Variants in SESN1 observed in about 807,000 individuals in gnomAD.
The protein encoded by SESN1 is sestrin-1.
In SESN1, 30 loss-of-function variants were observed where a neutral mutation model predicts 59.3. That is an observed-to-expected ratio of 0.51 (90% CI 0.38 to 0.69). The LOEUF (loss-of-function observed/expected upper bound fraction) is 0.69. Among genes scored for constraint, SESN1 ranks in the 30% least tolerant of loss-of-function variants. The pLI is 0.00. For missense variants in SESN1, 566 were observed against 673.0 expected, an observed-to-expected ratio of 0.84 and a Z score of 1.76; for synonymous variants, 197 against 219.9, an observed-to-expected ratio of 0.90 and a Z score of 0.92.
chr6:109,044,311 C>CCAAAAAAAAAAAAAAAAAAAAAAAAA (rs1780388697), intron 1 of SESN1, among the ~76,000 whole-genome samples: 1 of 28,472 alleles, frequency 3.5e-5, no homozygotes, highest in African/African-American at 2.0e-4. Flanking sequence ...GAACTTGCCT[C>CCAAAAAAAAAAAAAAAAAAAAAAAAA]AAAAAAAAAA....
At chr6:109,064,302 T>C (rs1199604158) in intron 1 of SESN1, among the ~76,000 whole-genome samples, 1 of 151,884 alleles carries the variant, frequency 6.6e-6, no homozygotes, top group Non-Finnish European at 1.5e-5. Flanking sequence ...ACTCCAGAGT[T>C]AGCTCAGAGT....
Position 109,045,462 on chromosome 6 carries a change from T to C in SESN1, c.280-43119A>G, listed in dbSNP as rs547143781. Among the ~76,000 whole-genome samples the C allele has an allele frequency of 3.1e-5, 4 of 128,440 alleles. No individual in the cohort carries two copies. The South Asian group carries it at 8.8e-4, about 28-fold the overall frequency. The allele number at this position is 128,440 out of a possible 152,430, so 84.3% of individuals were successfully genotyped here. A position where few individuals can be genotyped will look rare whatever the true frequency, so the allele number is the denominator to read the frequency against. On this transcript the variant is annotated intron_variant, in intron 1 of 9. Coordinates refer to ENST00000436639, the MANE Select transcript of SESN1 (RefSeq NM_014454.3). ...TCCAGATTCTTCACATGGCATATAA[T>C]TCCATTTCAGATTGCATCTCTGCCT...
chr6:109,088,459 C>A (rs567600564), intron 1 of SESN1, among the ~76,000 whole-genome samples: 38 of 151,942 alleles, frequency 2.5e-4, no homozygotes, highest in African/African-American at 8.9e-4. Context: ...TACCCAGCAA[C>A]GAAAGTTTCA....
intron 8 of SESN1, among the ~76,000 whole-genome samples, chr6:108,989,725 C>T (rs747510012): frequency 2.6e-5 from 4 of 152,030 alleles, no homozygotes; most frequent in Admixed American, 2.0e-4. Flanking sequence ...GCAGGGGCTG[C>T]GAGGAGAAGG....
intron 1 of SESN1, among the ~76,000 whole-genome samples, chr6:109,051,012 G>C (rs1032175476): frequency 3.9e-5 from 6 of 152,080 alleles, no homozygotes; most frequent in Non-Finnish European, 8.8e-5. Flanking sequence ...AAGTAAGAAG[G>C]GCTGAATACC....
At chr6:109,057,724 A>G (rs1443111470) in intron 1 of SESN1, among the ~76,000 whole-genome samples, 1 of 152,186 alleles carries the variant, frequency 6.6e-6, no homozygotes, top group Admixed American at 6.5e-5. Context: ...TCAGCAAGCA[A>G]TTACAATACT....
At position 109,004,584 on chromosome 6, in the gene SESN1, C is replaced by G. The variant is rs144496897; in HGVS notation, c.280-2241G>C. On this transcript the variant is annotated intron_variant, in intron 1 of 9. Transcript: ENST00000436639. ...TAGCTAGGACCACAGGCGTGTGCCG[C>G]CACACCTGGCTAATTTTTTGTATTT... Among the ~76,000 whole-genome samples the G allele has an allele frequency of 2.6e-3, 394 of 152,004 alleles. 5 individuals are homozygous for G. The highest frequency in any genetic ancestry group is 9.0e-3 in the African/African-American group (372 of 41,332).
intron 1 of SESN1, among the ~76,000 whole-genome samples, chr6:109,061,976 G>T (rs1005624134): frequency 2.0e-5 from 3 of 152,198 alleles, no homozygotes; most frequent in African/African-American, 7.2e-5. Flanking sequence ...GATAAAAGAT[G>T]GTGCTCTGAG....
At chr6:109,025,849 C>T (rs995789798) in intron 1 of SESN1, among the ~76,000 whole-genome samples, 4 of 151,238 alleles carry the variant, frequency 2.6e-5, no homozygotes, top group Admixed American at 2.0e-4. Context: ...AGGTCTAATA[C>T]ATATATAATT....
chr6:109,031,949 C>T (rs1476107530), intron 1 of SESN1, among the ~76,000 whole-genome samples: 2 of 152,106 alleles, frequency 1.3e-5, no homozygotes, highest in African/African-American at 2.4e-5. Flanking sequence ...GTTTCATATA[C>T]ACCTTATACA....
chr6:109,080,490 C>T (rs956085062), intron 1 of SESN1, among the ~76,000 whole-genome samples: 1 of 152,090 alleles, frequency 6.6e-6, no homozygotes, highest in Non-Finnish European at 1.5e-5. Flanking sequence ...TTATACACCA[C>T]AGTGAAACAT....
At chr6:109,032,393 C>A (rs1780195123) in intron 1 of SESN1, among the ~76,000 whole-genome samples, 1 of 151,986 alleles carries the variant, frequency 6.6e-6, no homozygotes, top group Non-Finnish European at 1.5e-5. Context: ...CCGAGGCGGG[C>A]AAATCACAAG....
chr6:109,091,035 A>G (rs1781310062), intron 1 of SESN1, among the ~76,000 whole-genome samples: 1 of 152,116 alleles, frequency 6.6e-6, no homozygotes, highest in African/African-American at 2.4e-5. Flanking sequence ...TCAGCCTTCC[A>G]AAGTGCTGGG....
intron 1 of SESN1, among the ~76,000 whole-genome samples, chr6:109,087,818 G>A (rs1014755611): frequency 3.3e-5 from 5 of 151,896 alleles, no homozygotes; most frequent in African/African-American, 4.8e-5. Flanking sequence ...TAATCTAATC[G>A]GATCCAAATT....
chr6:109,017,782 CT>C (rs1376281146), intron 1 of SESN1, among the ~76,000 whole-genome samples: 1 of 152,170 alleles, frequency 6.6e-6, no homozygotes, highest in East Asian at 1.9e-4. Flanking sequence ...GAAAACCTCT[CT>C]AGTTGTAATC....
At chr6:109,020,397 T>TA (rs944861124) in intron 1 of SESN1, among the ~76,000 whole-genome samples, 5 of 152,084 alleles carry the variant, frequency 3.3e-5, no homozygotes, top group African/African-American at 1.2e-4. Context: ...TATTTTTAGT[T>TA]AAAAAAAATT....
chr6:109,070,733 A>C (rs1189391509), intron 1 of SESN1, among the ~76,000 whole-genome samples: 1 of 152,248 alleles, frequency 6.6e-6, no homozygotes, highest in Non-Finnish European at 1.5e-5. Flanking sequence ...TATTACTGTT[A>C]AGATAAAATC....
At chr6:109,078,076 T>C (rs1296218502) in intron 1 of SESN1, among the ~76,000 whole-genome samples, 1 of 152,142 alleles carries the variant, frequency 6.6e-6, no homozygotes, top group Non-Finnish European at 1.5e-5. Context: ...ATAATAAATA[T>C]TTTACATACT....
intron 1 of SESN1, among the ~76,000 whole-genome samples, chr6:109,007,735 T>C (rs897142992): frequency 2.6e-5 from 4 of 151,040 alleles, no homozygotes; most frequent in African/African-American, 9.7e-5. Flanking sequence ...ATTATGTTAA[T>C]ATTGTCATTA....
Sources: allele counts gnomAD v4.1 joint callset (sites outside exome capture counted in the v4.1 genomes callset), GRCh38; gene constraint gnomAD v4.1.1; transcripts MANE v1.5; gene names NCBI Gene and HGNC (gene_info 2026-07-23, HGNC 2026-07-21).